ADGRE3: variants seen among roughly 807,000 people sequenced by gnomAD.
ADGRE3 encodes the protein adhesion G protein-coupled receptor E3.
In ADGRE3, 88 loss-of-function variants were observed where a neutral mutation model predicts 80.1. The observed-to-expected ratio is 1.10, with a 90% CI of 0.93 to 1.31. ADGRE3 has a LOEUF of 1.31. Among genes scored for constraint, ADGRE3 ranks in the 40% most tolerant of loss-of-function variants. The pLI, the probability that ADGRE3 is intolerant of heterozygous loss-of-function variation, is 0.00. For synonymous variants in ADGRE3, 281 were observed against 294.8 expected (o/e 0.95, Z 0.48); for missense variants, 715 against 776.5 (o/e 0.92, Z 0.94).
chr19:14,601,673 C>T, the ADGRE3 span, among the ~76,000 whole-genome samples: 1 of 152,126 alleles, frequency 6.6e-6, no homozygotes, highest in Non-Finnish European at 1.5e-5. Flanking sequence ...AGCTGGAGTG[C>T]AGTGGTATAA....
At chr19:14,604,886 A>G in the ADGRE3 span, among the ~76,000 whole-genome samples, 6 of 152,252 alleles carry the variant, frequency 3.9e-5, no homozygotes, top group Non-Finnish European at 8.8e-5. Flanking sequence ...GAAATAGATT[A>G]TAGTAAAAAA....
rs1298113304 is a variant in ADGRE3 at position 14,622,122 on chromosome 19, A to G, written c.1921-2651T>C. On this transcript the variant is annotated intron_variant, in intron 15 of 15. Transcript: ENST00000253673. ...TTATGCTCAGCACAGACACCAAGGC[A>G]GGTCTGACACATCTCACACGTTTGC... is the stretch of plus-strand genomic sequence containing the variant. 2.9e-5 allele frequency: 31 copies of G among 1,052,906 alleles called. 11 individuals are homozygous for G. In the East Asian group the frequency reaches 7.3e-4, roughly 25 times the overall value. The allele number at this position is 1,052,906 out of a possible 1,614,324, so 65.2% of individuals were successfully genotyped here. A position where few individuals can be genotyped will look rare whatever the true frequency, so the allele number is the denominator to read the frequency against.
intron 15 of ADGRE3, among the ~76,000 whole-genome samples, chr19:14,624,694 G>A (rs540105835): frequency 1.3e-5 from 2 of 150,720 alleles, no homozygotes; most frequent in African/African-American, 2.4e-5. Context: ...GGTCGAAACC[G>A]CAGTAAGCTA....
intron 4 of ADGRE3, among the ~76,000 whole-genome samples, chr19:14,661,443 A>G (rs961051196): frequency 3.3e-5 from 5 of 152,178 alleles, no homozygotes; most frequent in African/African-American, 4.8e-5. Context: ...CATCGTTTTC[A>G]TAAACCCATT....
the ADGRE3 span, chr19:14,610,555 C>T: frequency 3.9e-5 from 8 of 203,550 alleles, no homozygotes; most frequent in African/African-American, 9.2e-5. Context: ...AATATCCTGG[C>T]GCCTGTGAAC....
chr19:14,608,628 A>ATTTTT, the ADGRE3 span, among the ~76,000 whole-genome samples: 3 of 119,748 alleles, frequency 2.5e-5, no homozygotes, highest in African/African-American at 6.5e-5. Context: ...ATGAGGAAGA[A>ATTTTT]TTTTTTTTTT....
chr19:14,649,503 T>G (rs1233594302), intron 7 of ADGRE3, among the ~76,000 whole-genome samples: 4 of 150,858 alleles, frequency 2.7e-5, no homozygotes, highest in African/African-American at 9.8e-5. Context: ...TCCATCTCTC[T>G]TTTTCCATCT....
intron 7 of ADGRE3, among the ~76,000 whole-genome samples, chr19:14,648,940 T>C (rs1440481897): frequency 5.3e-5 from 8 of 151,978 alleles, no homozygotes; most frequent in African/African-American, 1.9e-4. Context: ...TCCTTCTCTC[T>C]CCCCATCTCT....
In ADGRE3 at chr19:14,644,011, T is replaced by A. The variant is rs1036075570; in HGVS notation, c.1050+97A>T. The A allele has an allele frequency of 1.0e-5, 8 of 787,048 alleles. No homozygotes were observed. The Admixed American group carries it at 5.2e-4, about 51-fold the overall frequency. The allele number at this position is 787,048 out of a possible 1,614,324, so 48.8% of individuals were successfully genotyped here. A position where few individuals can be genotyped will look rare whatever the true frequency, so the allele number is the denominator to read the frequency against. On this transcript the variant is annotated intron_variant, in intron 9 of 15. Transcript: ENST00000253673. ...AAGGCATGAGTCACCATGCTCGGCCTTTTTTCAGTTTTTTTTTTTTTTTTT... is the reference window on the plus strand; with the variant it reads ...AAGGCATGAGTCACCATGCTCGGCCATTTTTCAGTTTTTTTTTTTTTTTTT...
intron 4 of ADGRE3, among the ~76,000 whole-genome samples, chr19:14,659,822 G>GAAAAAAAAA (rs66908687): frequency 0.026 from 1,153 of 44,712 alleles, 178 homozygotes; most frequent in Non-Finnish European, 0.029. Context: ...CTCTGCCTCT[G>GAAAAAAAAA]AAAAAAAAAA....
At chr19:14,649,136 C>G (rs370646581) in intron 7 of ADGRE3, among the ~76,000 whole-genome samples, 99 of 150,768 alleles carry the variant, frequency 6.6e-4, no homozygotes, top group African/African-American at 2.3e-3. Flanking sequence ...CCGTCTCTCT[C>G]TCCACATCTC....
chr19:14,644,528 C>G (rs1257069093), intron 8 of ADGRE3, among the ~76,000 whole-genome samples: 1 of 152,098 alleles, frequency 6.6e-6, no homozygotes, highest in Non-Finnish European at 1.5e-5. Flanking sequence ...CCGTGCTGCC[C>G]AGGCTGGTCT....
At chr19:14,620,552 A>AC (rs1970559350) in intron 15 of ADGRE3, among the ~76,000 whole-genome samples, 4 of 21,486 alleles carry the variant, frequency 1.9e-4, no homozygotes, top group Non-Finnish European at 2.5e-4. Context: ...TATATATTAT[A>AC]TATATATATA....
At chr19:14,607,153 C>G in the ADGRE3 span, 2 of 845,196 alleles carry the variant, frequency 2.4e-6, no homozygotes. Flanking sequence ...TGGGCCCTGA[C>G]CATGGGGAGG....
intron 15 of ADGRE3, among the ~76,000 whole-genome samples, chr19:14,623,939 C>T (rs1014015803): frequency 6.6e-6 from 1 of 152,132 alleles, no homozygotes; most frequent in African/African-American, 2.4e-5. Context: ...GAAAAGGACT[C>T]TTCCTCATAC....
intron 15 of ADGRE3, among the ~76,000 whole-genome samples, chr19:14,620,590 TTTTTTTTG>T (rs1568471873): frequency 1.9e-5 from 1 of 52,844 alleles, no homozygotes; most frequent in African/African-American, 7.1e-5. Context: ...TTTTTTTTTT[TTTTTTTTG>T]AGACAGGGTT....
At chr19:14,612,332 C>T in the ADGRE3 span, among the ~76,000 whole-genome samples, 3 of 152,010 alleles carry the variant, frequency 2.0e-5, no homozygotes, top group African/African-American at 7.3e-5. Flanking sequence ...TCCTAATCTC[C>T]TCCTCCTCTT....
chr19:14,646,865 G>A (rs1034419747), intron 8 of ADGRE3, among the ~76,000 whole-genome samples: 1 of 151,702 alleles, frequency 6.6e-6, no homozygotes, highest in African/African-American at 2.4e-5. Flanking sequence ...CCAACTCCTG[G>A]GCTCAAGCAA....
intron 2 of ADGRE3, among the ~76,000 whole-genome samples, chr19:14,665,936 G>GTGTATA (rs1555763977): frequency 7.1e-5 from 3 of 42,098 alleles, no homozygotes; most frequent in Non-Finnish European, 1.2e-4. Flanking sequence ...ACACATATGT[G>GTGTATA]TATATATATA....
Sources: allele counts gnomAD v4.1 joint callset (sites outside exome capture counted in the v4.1 genomes callset), GRCh38; gene constraint gnomAD v4.1.1; transcripts MANE v1.5; gene names NCBI Gene and HGNC (gene_info 2026-07-23, HGNC 2026-07-21).